The following CHD6 variants were observed in gnomAD, a reference collection of about 807,000 sequenced individuals.
CHD6 encodes the protein chromodomain helicase DNA binding protein 6, also known as ATP-dependent chromatin remodeler CHD6.
Under a neutral mutation model 276.9 loss-of-function variants are expected in CHD6, and 50 were observed. That is an observed-to-expected ratio of 0.18 (90% CI 0.14 to 0.23). The LOEUF (loss-of-function observed/expected upper bound fraction) is 0.23, where lower values mean the gene tolerates loss of function less well. Ranked by LOEUF, CHD6 falls within the 10% of genes least tolerant of loss-of-function variation. CHD6 has a pLI of 1.00. For synonymous variants in CHD6, 1,173 were observed against 1,229.3 expected, an observed-to-expected ratio of 0.95 and a Z score of 0.96; for missense variants, 2,564 against 3,365.8, an observed-to-expected ratio of 0.76 and a Z score of 5.89.
chr20:41,469,895 C>A (rs186563828), intron 17 of CHD6, among the ~76,000 whole-genome samples: 1 of 152,172 alleles, frequency 6.6e-6, no homozygotes, highest in African/African-American at 2.4e-5. Context: ...TAAGTAGTAC[C>A]CAGTTTCTAT....
chr20:41,531,516 CTCACTAGGT>C (rs1441213575), intron 3 of CHD6, among the ~76,000 whole-genome samples: 2 of 152,178 alleles, frequency 1.3e-5, no homozygotes, highest in African/African-American at 2.4e-5. Context: ...CTAGAGTATG[CTCACTAGGT>C]TCACTAAGAA....
At chr20:41,479,671 C>T (rs556899005) in intron 16 of CHD6, among the ~76,000 whole-genome samples, 19 of 152,206 alleles carry the variant, frequency 1.2e-4, no homozygotes, top group Admixed American at 2.0e-4. Context: ...GGAGAAGACA[C>T]TGTACTTGTG....
intron 36 of CHD6, among the ~76,000 whole-genome samples, chr20:41,408,086 A>C (rs963880956): frequency 2.0e-5 from 3 of 152,092 alleles, no homozygotes; most frequent in East Asian, 1.9e-4. Flanking sequence ...TAAAAAAAAA[A>C]CCCAGTTCAT....
chr20:41,469,313 T>C (rs1032487046), intron 17 of CHD6, among the ~76,000 whole-genome samples: 1 of 152,172 alleles, frequency 6.6e-6, no homozygotes, highest in African/African-American at 2.4e-5. Flanking sequence ...CGTTGTTATC[T>C]TGAACCCTCT....
intron 2 of CHD6, among the ~76,000 whole-genome samples, chr20:41,535,316 C>T (rs1946790128): frequency 6.6e-6 from 1 of 152,352 alleles, no homozygotes; most frequent in East Asian, 1.9e-4. Flanking sequence ...AGGCATGTTT[C>T]ATGACCTGTA....
At chr20:41,498,567 G>A (rs963919929) in intron 6 of CHD6, among the ~76,000 whole-genome samples, 4 of 152,094 alleles carry the variant, frequency 2.6e-5, no homozygotes. Flanking sequence ...CCCCACTAAC[G>A]CTTCACTTCT....
intron 16 of CHD6, among the ~76,000 whole-genome samples, chr20:41,477,133 C>G (rs1281116367): frequency 6.6e-6 from 1 of 152,058 alleles, no homozygotes; most frequent in African/African-American, 2.4e-5. Context: ...CCTAGCTACT[C>G]AGGAGGAGTA....
intron 5 of CHD6, among the ~76,000 whole-genome samples, chr20:41,502,304 A>C (rs2043849264): frequency 6.6e-6 from 1 of 152,208 alleles, no homozygotes; most frequent in Non-Finnish European, 1.5e-5. Flanking sequence ...ATATATCTAA[A>C]TTATCAATAT....
chr20:41,420,740 T>G lies in CHD6; in HGVS notation c.5895A>C (p.Pro1965=), dbSNP rs1019946879. 1.2e-6 allele frequency: 2 copies of G among 1,614,256 alleles called. No homozygotes were observed. The highest frequency in any genetic ancestry group is 1.7e-6 in the Non-Finnish European group (2 of 1,180,052). ...TATTGGTTTTACTTTTGAACAGATC[T>G]GGGATATAAGCCTTGGGTTTCTCGA... is the stretch of plus-strand genomic sequence containing the variant. ...FEIEKPKAYI[P]DLFKSKTNTI... Residue 1965 remains proline (P), a synonymous_variant, in exon 31 of 37, where the codon CCA becomes CCC. Transcript: ENST00000373233.
chr20:41,455,147 A>G (rs1278361861), intron 19 of CHD6, among the ~76,000 whole-genome samples: 1 of 152,212 alleles, frequency 6.6e-6, no homozygotes, highest in Non-Finnish European at 1.5e-5. Flanking sequence ...TGAGGTGTAG[A>G]GACAAGGGAT....
At chr20:41,439,082 G>T (rs570754103) in intron 26 of CHD6, among the ~76,000 whole-genome samples, 125 of 152,324 alleles carry the variant, frequency 8.2e-4, no homozygotes, top group African/African-American at 2.9e-3. Flanking sequence ...TTTTGGCCGG[G>T]TGTGGTGGCT....
intron 25 of CHD6, among the ~76,000 whole-genome samples, chr20:41,440,637 AC>A (rs1409561463): frequency 6.6e-6 from 1 of 152,148 alleles, no homozygotes; most frequent in African/African-American, 2.4e-5. Flanking sequence ...ATCTTAATCC[AC>A]ACTGGCCAGG....
Position 41,482,686 on chromosome 20 carries a change from T to A in CHD6, c.2468+623A>T, listed in dbSNP as rs1206412957. 17 of 362,240 alleles carry A rather than the reference T, an allele frequency of 4.7e-5. No homozygotes were observed. The East Asian group carries it at 1.3e-3, about 28-fold the overall frequency. 22.4% of individuals were successfully genotyped at this position (362,240 alleles called of 1,614,324 possible). A position where few individuals can be genotyped will look rare whatever the true frequency, so the allele number is the denominator to read the frequency against. On this transcript the variant is annotated intron_variant, in intron 16 of 36. Coordinates refer to ENST00000373233, the MANE Select transcript of CHD6 (RefSeq NM_032221.5). ...GACGGAAAATCTAAAGTAATACACA[T>A]GAGGTAACAAATGTAGTTTCCATAC...
At chr20:41,536,313 G>A (rs1455578627) in intron 2 of CHD6, among the ~76,000 whole-genome samples, 1 of 152,188 alleles carries the variant, frequency 6.6e-6, no homozygotes, top group Admixed American at 6.5e-5. Context: ...GGTAACACAT[G>A]CAACAATGCT....
intron 6 of CHD6, among the ~76,000 whole-genome samples, chr20:41,498,753 A>G (rs2043747289): frequency 6.6e-6 from 1 of 151,788 alleles, no homozygotes; most frequent in African/African-American, 2.4e-5. Context: ...CCACGTTTCC[A>G]TTAGGACTCA....
chr20:41,428,306 G>C (rs1283715996), intron 27 of CHD6, among the ~76,000 whole-genome samples: 1 of 152,196 alleles, frequency 6.6e-6, no homozygotes, highest in East Asian at 1.9e-4. Flanking sequence ...CAGACTTTTA[G>C]TTAATAATCC....
At position 41,533,157 on chromosome 20, in the gene CHD6, A is replaced by T; in HGVS notation, c.447T>A (p.Asp149Glu). ...AKEHKEPKQK[D>E]GAKKARKPRE... is the part of the protein sequence containing the mutation. ...GGGGCTTCCGTGCCTTCTTTGCCCC[A>T]TCTTTTTGCTTCGGCTCCTTGTGCT... Residue 149 changes from aspartate (D) to glutamate (E), a missense_variant, in exon 3 of 37, where the codon GAT becomes GAA. Asp to Glu is a conservative substitution (Grantham distance 45). Transcript: ENST00000373233. 2 of 1,614,084 alleles carry T rather than the reference A, an allele frequency of 1.2e-6. No homozygotes were observed. The highest frequency in any genetic ancestry group is 1.7e-6 in the Non-Finnish European group (2 of 1,180,026).
intron 14 of CHD6, 146 bp downstream of exon 14, chr20:41,487,519 T>C: frequency 1.3e-6 from 1 of 798,556 alleles, no homozygotes. Flanking sequence ...CGCCCCAACA[T>C]ACACAAACAC....
At chr20:41,591,763 T>C (rs758505001) in intron 1 of CHD6, among the ~76,000 whole-genome samples, 4 of 152,054 alleles carry the variant, frequency 2.6e-5, no homozygotes, top group Admixed American at 1.3e-4. Flanking sequence ...TTTTCACAGA[T>C]GGAAGGTGCC....
Sources: gnomAD v4.1 joint callset for allele counts (sites outside exome capture counted in the v4.1 genomes callset) on GRCh38, gnomAD v4.1.1 for gene constraint, MANE v1.5 for transcripts, NCBI Gene and HGNC (gene_info 2026-07-23, HGNC 2026-07-21) for gene names.